SYCE2: variants seen among roughly 807,000 people sequenced by gnomAD.
SYCE2 encodes the protein synaptonemal complex central element protein 2.
Under a neutral mutation model 27.9 loss-of-function variants are expected in SYCE2, and 3 were observed. That is an observed-to-expected ratio of 0.11 (90% confidence interval 0.05 to 0.28). The LOEUF (loss-of-function observed/expected upper bound fraction) is 0.28, where lower values mean the gene tolerates loss of function less well. Ranked by LOEUF, SYCE2 falls within the 10% of genes least tolerant of loss-of-function variation. The pLI is 1.00. For synonymous variants in SYCE2, 85 were observed against 100.7 expected, an observed-to-expected ratio of 0.84 and a Z score of 0.93; for missense variants, 207 against 263.5, an observed-to-expected ratio of 0.79 and a Z score of 1.48.
intron 2 of SYCE2, among the ~76,000 whole-genome samples, chr19:12,910,157 G>C (rs1416629676): frequency 6.6e-6 from 1 of 151,978 alleles, no homozygotes; most frequent in Admixed American, 6.6e-5. Context: ...GAGCCACCAT[G>C]CCCGGCCCTA....
intron 2 of SYCE2, among the ~76,000 whole-genome samples, chr19:12,910,937 A>G (rs1971035677): frequency 6.6e-6 from 1 of 151,936 alleles, no homozygotes; most frequent in Non-Finnish European, 1.5e-5. Context: ...TCGGCCTCCC[A>G]AAGTGCTGGG....
chr19:12,901,209 T>C (rs938428092), intron 3 of SYCE2, among the ~76,000 whole-genome samples: 6 of 146,762 alleles, frequency 4.1e-5, no homozygotes, highest in African/African-American at 1.3e-4. Context: ...AATAAATAAA[T>C]ACACAAATAC....
At chr19:12,913,198 TAA>T (rs1376794984) in intron 2 of SYCE2, among the ~76,000 whole-genome samples, 7 of 152,176 alleles carry the variant, frequency 4.6e-5, no homozygotes, top group African/African-American at 1.7e-4. Flanking sequence ...TCTGTCCTTC[TAA>T]GAAGTCCCTA....
chr19:12,914,984 G>A (rs1971112658), intron 2 of SYCE2, among the ~76,000 whole-genome samples: 1 of 152,332 alleles, frequency 6.6e-6, no homozygotes, highest in South Asian at 2.1e-4. Context: ...CTAGGTATGA[G>A]TATGCCCAGA....
At chr19:12,900,821 A>G (rs1353166482) in intron 3 of SYCE2, among the ~76,000 whole-genome samples, 173 bp from the exon 4 acceptor site, 1 of 152,098 alleles carries the variant, frequency 6.6e-6, no homozygotes, top group Non-Finnish European at 1.5e-5. Flanking sequence ...AGGTGGGTGG[A>G]TTACTTGAGG....
intron 2 of SYCE2, among the ~76,000 whole-genome samples, chr19:12,909,659 C>T (rs556263742): frequency 2.1e-3 from 327 of 152,186 alleles, no homozygotes; most frequent in African/African-American, 7.5e-3. Flanking sequence ...CTCCGCCTCC[C>T]GGGTTCAAGC....
At chr19:12,913,013 G>C (rs965857580) in intron 2 of SYCE2, among the ~76,000 whole-genome samples, 3 of 152,216 alleles carry the variant, frequency 2.0e-5, no homozygotes, top group African/African-American at 7.2e-5. Flanking sequence ...CAAAATGCGT[G>C]GTGTCCTCTC....
chr19:12,899,859 C>G, intron 5 of SYCE2, 145 bp downstream of exon 5: 1 of 1,583,562 alleles, frequency 6.3e-7, no homozygotes, highest in Non-Finnish European at 8.7e-7. Context: ...CAGCTGACCC[C>G]CTCACACTGA....
chr19:12,899,897 A>G (rs1402536270), intron 5 of SYCE2, 107 bp downstream of exon 5: 9 of 1,263,254 alleles, frequency 7.1e-6, no homozygotes, highest in Non-Finnish European at 8.9e-6. Flanking sequence ...CCTCCCTCCC[A>G]TCTGGGGGTA....
rs779227372 is a variant in SYCE2, at chr19:12,899,977, G to A, written c.612+27C>T. 76 of 1,612,814 alleles carry A rather than the reference G, an allele frequency of 4.7e-5. 2 individuals carry two copies. The Admixed American group carries it at 1.2e-3, about 26-fold the overall frequency. ...AAAGACCTGCACATCTGACCCCAAG[G>A]TGTCAGGCCGGTTTACTGGTAACCA... On this transcript the variant is annotated intron_variant, in intron 5 of 5. Coordinates refer to ENST00000293695, the MANE Select transcript of SYCE2 (RefSeq NM_001105578.2).
chr19:12,900,211 C>T, intron 4 of SYCE2, 91 bp from the exon 5 acceptor site: 1 of 1,455,874 alleles, frequency 6.9e-7, no homozygotes, highest in Non-Finnish European at 9.2e-7. Flanking sequence ...GTGCAAGGGA[C>T]TTTGTCCTTT....
At position 12,899,078 on chromosome 19, in the gene SYCE2, G is replaced by A. The variant is rs1398560201; in HGVS notation, c.*263C>T. ...CCTCTGTGGCAAGGAAGCGTGGCCA[G>A]GTTGAAAATCAAACATTTAATAAAC... On this transcript the variant is annotated 3_prime_UTR_variant, in exon 6 of 6. Coordinates refer to ENST00000293695, the MANE Select transcript of SYCE2 (RefSeq NM_001105578.2). 5 of 530,170 alleles carry A rather than the reference G, an allele frequency of 9.4e-6. No homozygotes were observed. In the Admixed American group the frequency reaches 1.6e-4, roughly 17 times the overall value. The allele number at this position is 530,170 out of a possible 1,614,324, so 32.8% of individuals were successfully genotyped here. A position where few individuals can be genotyped will look rare whatever the true frequency, so the allele number is the denominator to read the frequency against.
rs1444391055 is a variant in SYCE2, at chr19:12,899,118, T to C, written c.*223A>G. 1 of 563,272 alleles carries C rather than the reference T, an allele frequency of 1.8e-6. No homozygotes were observed. Among genetic ancestry groups the C allele is most frequent in the African/African-American group, 2.0e-5 (1 of 48,908 alleles). The allele number at this position is 563,272 out of a possible 1,614,324, so 34.9% of individuals were successfully genotyped here. On this transcript the variant is annotated 3_prime_UTR_variant, in exon 6 of 6. Transcript: ENST00000293695. ...ATTTAATAAACTGTGGGGCTGGGGG[T>C]GGGGAGAACTTGCCAAGGGTGGGGA...
intron 2 of SYCE2, among the ~76,000 whole-genome samples, chr19:12,914,809 A>G (rs1324204859): frequency 6.6e-6 from 1 of 152,108 alleles, no homozygotes; most frequent in African/African-American, 2.4e-5. Context: ...GGGTTTTGCC[A>G]TGTTGGCCAG....
intron 2 of SYCE2, among the ~76,000 whole-genome samples, chr19:12,916,439 G>A (rs879478099): frequency 7.2e-5 from 11 of 152,008 alleles, no homozygotes; most frequent in Admixed American, 4.6e-4. Context: ...TCATACTTGC[G>A]GCCCCCTCTG....
Position 12,900,542 on chromosome 19 carries a change from T to C in SYCE2, c.413A>G (p.Lys138Arg). 6.2e-7 allele frequency: 1 copy of C among 1,614,188 alleles called. No individual in the cohort carries two copies. The highest frequency in any genetic ancestry group is 8.5e-7 in the Non-Finnish European group (1 of 1,180,036). The change falls in exon 4 of 6, where the codon AAG (lysine) becomes AGG (arginine). Residue 138 changes from lysine to arginine, a missense_variant. Transcript: ENST00000293695. ...KLQEFTQKMA[K>R]ISHLETELKQ... ...GAGCTCTGTCTCCAAATGGCTGATC[T>C]TTGCCATTTTCTGGGTGAACTCTTG...
chr19:12,916,438 C>A (rs115581760), intron 2 of SYCE2, among the ~76,000 whole-genome samples: 1 of 152,062 alleles, frequency 6.6e-6, no homozygotes, highest in South Asian at 2.1e-4. Flanking sequence ...TTCATACTTG[C>A]GGCCCCCTCT....
intron 2 of SYCE2, among the ~76,000 whole-genome samples, chr19:12,909,983 C>G (rs537587436): frequency 1.2e-4 from 18 of 152,156 alleles, no homozygotes; most frequent in Non-Finnish European, 2.4e-4. Flanking sequence ...TCTCTTGCCT[C>G]GGCCTCCCAA....
chr19:12,899,731 G>A (rs1970791022), intron 5 of SYCE2: 1 of 1,612,122 alleles, frequency 6.2e-7, no homozygotes, highest in Non-Finnish European at 8.5e-7. Context: ...AAAGAAGATG[G>A]AATTCTCTGT....
Sources: gnomAD v4.1 joint callset for allele counts (sites outside exome capture counted in the v4.1 genomes callset) on GRCh38, gnomAD v4.1.1 for gene constraint, MANE v1.5 for transcripts, NCBI Gene and HGNC (gene_info 2026-07-23, HGNC 2026-07-21) for gene names.